REC114: variants seen among roughly 807,000 people sequenced by gnomAD.
The protein encoded by REC114 is REC114 meiotic recombination protein.
Under a neutral mutation model 31.3 loss-of-function variants are expected in REC114, and 27 were observed. The ratio of observed to expected loss-of-function variants is 0.86; its 90% CI spans 0.64 to 1.19. REC114 has a LOEUF of 1.19. REC114 is among the 50% of genes most tolerant of loss of function. REC114 has a pLI of 0.00. For missense variants in REC114, 344 were observed against 326.9 expected (o/e 1.05, Z -0.40); for synonymous variants, 134 against 127.7 (o/e 1.05, Z -0.33).
intron 2 of REC114, among the ~76,000 whole-genome samples, chr15:73,528,921 G>T (rs1049883486): frequency 3.9e-5 from 6 of 152,018 alleles, no homozygotes; most frequent in African/African-American, 1.2e-4. Flanking sequence ...AAATCAGTAA[G>T]ACTTAAGAGA....
chr15:73,449,483 A>G (rs1279049548), intron 1 of REC114, among the ~76,000 whole-genome samples: 2 of 152,186 alleles, frequency 1.3e-5, no homozygotes, highest in Non-Finnish European at 2.9e-5. Context: ...CCTCCAAGAA[A>G]TATGGGACTA....
intron 2 of REC114, among the ~76,000 whole-genome samples, chr15:73,507,528 G>T (rs912977793): frequency 6.6e-6 from 1 of 152,038 alleles, no homozygotes; most frequent in Non-Finnish European, 1.5e-5. Context: ...CCTAGGGAGG[G>T]GACCTAGGTG....
chr15:73,540,541 TTGTC>T lies in REC114; in HGVS notation c.310_313del (p.Leu104CysfsTer6). ...GGTTGAAGATTGTAAGACGCGTGGA[TTGTC>T]TGTTGTTTGGAACAACGATAAAGGC... On this transcript the variant is annotated frameshift_variant, in exon 3 of 6. Coordinates refer to ENST00000331090, the MANE Select transcript of REC114 (RefSeq NM_001042367.2). LOFTEE classifies it high-confidence loss of function. The T allele has an allele frequency of 6.2e-7, 1 of 1,613,936 alleles. No individual in the cohort carries two copies. The highest frequency in any genetic ancestry group is 1.7e-5 in the Admixed American group (1 of 60,024).
At chr15:73,480,849 T>C (rs1315668625) in intron 2 of REC114, among the ~76,000 whole-genome samples, 1 of 152,168 alleles carries the variant, frequency 6.6e-6, no homozygotes, top group Non-Finnish European at 1.5e-5. Context: ...AGCTAACTTT[T>C]GTATTTTTAG....
chr15:73,529,601 T>C (rs1284038492), intron 2 of REC114, among the ~76,000 whole-genome samples: 1 of 152,214 alleles, frequency 6.6e-6, no homozygotes, highest in Non-Finnish European at 1.5e-5. Context: ...GTGTGATGGC[T>C]CATCACACTG....
intron 5 of REC114, among the ~76,000 whole-genome samples, chr15:73,558,246 T>TA (rs1439127921): frequency 2.0e-5 from 3 of 152,184 alleles, no homozygotes; most frequent in African/African-American, 7.2e-5. Context: ...CCTGGAGAAA[T>TA]ACCAGTTATG....
rs1331891505 is a variant in REC114 at position 73,513,731 on chromosome 15, G to A, written c.250-26754G>A. On this transcript the variant is annotated intron_variant, in intron 2 of 5. Transcript: ENST00000331090. ...GTGAGGTGTCAGTGTGCCCCTGCTG[G>A]GGGGTGCCTCCCAGTTAGGCTGCTC... Among the ~76,000 whole-genome samples, 89 of 152,018 alleles carry A rather than the reference G, an allele frequency of 5.9e-4. 1 individual carries two copies. Among genetic ancestry groups the A allele is most frequent in the African/African-American group, 1.9e-3 (77 of 41,512 alleles).
intron 1 of REC114, among the ~76,000 whole-genome samples, chr15:73,450,271 C>T (rs1319074571): frequency 6.7e-6 from 1 of 149,352 alleles, no homozygotes. Context: ...CACATAGGCT[C>T]AAAATAAAGG....
intron 1 of REC114, among the ~76,000 whole-genome samples, chr15:73,460,905 T>C (rs187974639): frequency 9.8e-5 from 15 of 152,292 alleles, no homozygotes; most frequent in African/African-American, 3.4e-4. Context: ...GAAAGTGTTT[T>C]GAGTAAATGT....
intron 3 of REC114, among the ~76,000 whole-genome samples, chr15:73,548,869 A>G (rs907761570): frequency 6.6e-6 from 1 of 152,158 alleles, no homozygotes; most frequent in African/African-American, 2.4e-5. Flanking sequence ...AACATGAAAT[A>G]TTTTTTGTAG....
chr15:73,554,518 C>T (rs1050016863), intron 4 of REC114, among the ~76,000 whole-genome samples: 2 of 152,118 alleles, frequency 1.3e-5, no homozygotes, highest in Non-Finnish European at 2.9e-5. Flanking sequence ...TTAGTTTTTG[C>T]TTTTCCTCAG....
intron 2 of REC114, among the ~76,000 whole-genome samples, chr15:73,514,518 C>G (rs1893831840): frequency 2.0e-5 from 3 of 152,138 alleles, no homozygotes; most frequent in Non-Finnish European, 4.4e-5. Context: ...TTCTCCAAAT[C>G]TGTCTTAAGA....
At chr15:73,547,679 G>C (rs1346973345) in intron 3 of REC114, among the ~76,000 whole-genome samples, 1 of 152,082 alleles carries the variant, frequency 6.6e-6, no homozygotes, top group Non-Finnish European at 1.5e-5. Context: ...AAGAAAATGT[G>C]GTACTTATAC....
At chr15:73,455,552 C>T (rs1284430886) in intron 1 of REC114, among the ~76,000 whole-genome samples, 1 of 152,024 alleles carries the variant, frequency 6.6e-6, no homozygotes, top group Non-Finnish European at 1.5e-5. Flanking sequence ...TCCTAAGACT[C>T]GAAGTCCTAG....
chr15:73,525,707 T>C (rs1243853352), intron 2 of REC114, among the ~76,000 whole-genome samples: 9 of 152,176 alleles, frequency 5.9e-5, no homozygotes, highest in Non-Finnish European at 1.2e-4. Context: ...TAGTATTTCA[T>C]TCTTCTTTTA....
intron 2 of REC114, among the ~76,000 whole-genome samples, chr15:73,478,419 T>C (rs1893246115): frequency 6.6e-6 from 1 of 152,180 alleles, no homozygotes; most frequent in South Asian, 2.1e-4. Flanking sequence ...TGTTAGTCTA[T>C]TTCTGGACTC....
chr15:73,471,690 G>A (rs1312077184), intron 1 of REC114, among the ~76,000 whole-genome samples: 1 of 152,028 alleles, frequency 6.6e-6, no homozygotes, highest in African/African-American at 2.4e-5. Flanking sequence ...TTTATAGTGA[G>A]TGTTTCTATC....
chr15:73,551,677 T>C (rs934244833), intron 4 of REC114, among the ~76,000 whole-genome samples: 2 of 152,200 alleles, frequency 1.3e-5, no homozygotes, highest in Non-Finnish European at 2.9e-5. Flanking sequence ...TGTGTGACAT[T>C]TGTATTTTGA....
At chr15:73,558,131 G>A (rs975622039) in intron 5 of REC114, among the ~76,000 whole-genome samples, 1 of 152,140 alleles carries the variant, frequency 6.6e-6, no homozygotes, top group African/African-American at 2.4e-5. Context: ...TTTAAGGCCA[G>A]GAGTTCAAGA....
Sources: allele counts gnomAD v4.1 joint callset (sites outside exome capture counted in the v4.1 genomes callset), GRCh38; gene constraint gnomAD v4.1.1; transcripts MANE v1.5; gene names NCBI Gene and HGNC (gene_info 2026-07-23, HGNC 2026-07-21).